AP1G2: variants seen among roughly 807,000 people sequenced by gnomAD.
AP1G2 encodes the protein adaptor related protein complex 1 subunit gamma 2.
AP1G2 carries 85 observed loss-of-function variants against 95.8 expected under a neutral mutation model. That is an observed-to-expected ratio of 0.89 (90% CI 0.74 to 1.06). The LOEUF (loss-of-function observed/expected upper bound fraction) is 1.06, where lower values mean the gene tolerates loss of function less well. AP1G2 is among the 50% of genes least tolerant of loss of function. The pLI is 0.00. For synonymous variants in AP1G2, 378 were observed against 400.0 expected, an observed-to-expected ratio of 0.94 and a Z score of 0.66; for missense variants, 967 against 1,005.8, an observed-to-expected ratio of 0.96 and a Z score of 0.52.
At position 23,562,275 on chromosome 14, in the gene AP1G2, G is replaced by A; in HGVS notation, c.1628+13C>T. The A allele has an allele frequency of 1.9e-6, 3 of 1,614,046 alleles. No homozygotes were observed. In the South Asian group the frequency reaches 3.3e-5, roughly 18 times the overall value. Reference sequence around the variant, plus strand: ...GACAGGCCATCTCTCAAGGGGCTGGGACCCCTTCTTACTTGTTGTCCCCAC... The same window carrying A: ...GACAGGCCATCTCTCAAGGGGCTGGAACCCCTTCTTACTTGTTGTCCCCAC... On this transcript the variant is annotated intron_variant, in intron 16 of 21. Coordinates refer to ENST00000397120, the MANE Select transcript of AP1G2 (RefSeq NM_003917.5).
At chr14:23,561,759 T>A in intron 17 of AP1G2, 124 bp from the exon 18 acceptor site, 1 of 1,481,698 alleles carries the variant, frequency 6.7e-7, no homozygotes, top group Non-Finnish European at 8.9e-7. Flanking sequence ...CCCTTCTGAT[T>A]TCCTAAAATG....
rs969434715 is a variant in AP1G2, at chr14:23,561,340, G to A, written c.1949C>T (p.Ala650Val). 1.1e-5 allele frequency: 17 copies of A among 1,578,180 alleles called. No individual in the cohort carries two copies. Among genetic ancestry groups the A allele is most frequent in the Non-Finnish European group, 1.4e-5 (16 of 1,161,310 alleles). ...PPHLDPSPGG[A>V]LVHLLDLPCV... ...GGGAAGGTCAAGCAGGTGTACCAGGGCACCTCCTGGGGAGGGGTCCAGATG... is the reference window on the plus strand; with the variant it reads ...GGGAAGGTCAAGCAGGTGTACCAGGACACCTCCTGGGGAGGGGTCCAGATG... Residue 650 changes from alanine (A) to valine (V), a missense_variant, in exon 19 of 22, where the codon GCC becomes GTC. Physicochemically the swap from Ala to Val is moderately conservative, Grantham distance 64. Coordinates refer to ENST00000397120, the MANE Select transcript of AP1G2 (RefSeq NM_003917.5).
Position 23,565,219 on chromosome 14 carries a change from G to A in AP1G2, c.742-20C>T, listed in dbSNP as rs748462007. On this transcript the variant is annotated intron_variant, in intron 7 of 21. Coordinates refer to ENST00000397120, the MANE Select transcript of AP1G2 (RefSeq NM_003917.5). ...CTGGACCTGAGGTTGGGTTGAAAAT[G>A]GAAAGTTGGAGGGGTTCATAGGATA... 8.7e-6 allele frequency: 14 copies of A among 1,612,692 alleles called. No homozygotes were observed. The highest frequency in any genetic ancestry group is 1.2e-5 in the Non-Finnish European group (14 of 1,179,218).
Position 23,567,599 on chromosome 14 carries a change from G to C in AP1G2, c.-6+140C>G. The stretch of plus-strand genomic sequence containing the variant: ...TCTCTACCGTTTCCTCCCCCTACCT[G>C]GTACCCCATCCCTAGCTCAGCCATT... On this transcript the variant is annotated intron_variant, in intron 1 of 21. Transcript: ENST00000397120. The surrounding 1 kb of genome is among the most constrained non-coding windows in gnomAD (Gnocchi z 5.3). 8.2e-7 allele frequency: 1 copy of C among 1,226,396 alleles called. No homozygotes were observed. The highest frequency in any genetic ancestry group is 1.0e-6 in the Non-Finnish European group (1 of 981,568). The allele number at this position is 1,226,396 out of a possible 1,614,324, so 76.0% of individuals were successfully genotyped here. A position where few individuals can be genotyped will look rare whatever the true frequency, so the allele number is the denominator to read the frequency against.
At chr14:23,561,895 C>A in intron 17 of AP1G2, 67 bp downstream of exon 17, 1 of 1,537,164 alleles carries the variant, frequency 6.5e-7, no homozygotes. Flanking sequence ...GCCCTTGTAC[C>A]TAGAAAAGGG....
Position 23,566,390 on chromosome 14 carries a change from T to C in AP1G2, c.359A>G (p.Gln120Arg). Residue 120 changes from glutamine (Q) to arginine (R), a missense_variant, in exon 4 of 22, where the codon CAA (glutamine) becomes CGA (arginine). By Grantham distance (43) the Gln-to-Arg change is conservative. Coordinates refer to ENST00000397120, the MANE Select transcript of AP1G2 (RefSeq NM_003917.5). The part of the protein sequence containing the change: ...NDLSQGIQPV[Q>R]GLALCTLSTM... ...GCTCAAAGTGCACAAGGCCAGGCCTTGTACTGGCTGAATCCCCTGGCTCAG... is the reference window on the plus strand; with the variant it reads ...GCTCAAAGTGCACAAGGCCAGGCCTCGTACTGGCTGAATCCCCTGGCTCAG... 1 of 1,614,012 alleles carries C rather than the reference T, an allele frequency of 6.2e-7. No individual in the cohort carries two copies.
chr14:23,566,744 C>G (rs1888228723), intron 2 of AP1G2, 58 bp from the exon 3 acceptor site: 1 of 1,593,326 alleles, frequency 6.3e-7, no homozygotes, highest in African/African-American at 1.3e-5. Flanking sequence ...ACACTCACAT[C>G]CCTGTTCCAT....
rs767217636 is a variant in AP1G2 at position 23,567,189 on chromosome 14, C to G, written c.126G>C (p.Gly42=). ...GCTGCCGGTGCCTGTGCACTGGGTCCCCGTCGCGGAAGGAGGCCCGGATGT... is the reference window on the plus strand; with the variant it reads ...GCTGCCGGTGCCTGTGCACTGGGTCGCCGTCGCGGAAGGAGGCCCGGATGT... The part of the protein sequence containing the change: ...CAHIRASFRD[G]DPVHRHRQLA... The change falls in exon 2 of 22, where the codon GGG becomes GGC. Residue 42 remains glycine, a synonymous_variant. Coordinates refer to ENST00000397120, the MANE Select transcript of AP1G2 (RefSeq NM_003917.5). The surrounding 1 kb of genome is among the most constrained non-coding windows in gnomAD (Gnocchi z 5.3). 6.2e-7 allele frequency: 1 copy of G among 1,613,012 alleles called. No homozygotes were observed. The highest frequency in any genetic ancestry group is 1.1e-5 in the South Asian group (1 of 91,014).
At chr14:23,562,858 G>T in intron 14 of AP1G2, 2 of 530,926 alleles carry the variant, frequency 3.8e-6, no homozygotes, top group Non-Finnish European at 6.4e-6. Flanking sequence ...AGAGATGGTG[G>T]GGGGTTGGAG....
chr14:23,561,618 T>C lies in AP1G2; in HGVS notation c.1751A>G (p.Lys584Arg). 1.2e-6 allele frequency: 2 copies of C among 1,614,086 alleles called. No homozygotes were observed. The highest frequency in any genetic ancestry group is 4.5e-5 in the East Asian group (2 of 44,878). The change falls in exon 18 of 22, where the codon AAA (lysine) becomes AGA (arginine). Residue 584 changes from lysine to arginine, a missense_variant. Transcript: ENST00000397120. ...YDHMRAAILE[K>R]MPLVERDGPQ... is the part of the protein sequence containing the mutation. ...GCCATCTCGCTCCACAAGAGGCATT[T>C]TTTCCAGGATGGCAGCCCTGAGAGG... is the stretch of plus-strand genomic sequence containing the variant.
intron 8 of AP1G2, 164 bp from the exon 9 acceptor site, chr14:23,564,824 C>T (rs1442050536): frequency 3.0e-6 from 2 of 669,460 alleles, no homozygotes; most frequent in African/African-American, 3.6e-5. Context: ...ACTACAGGCA[C>T]ATGCCAACAA....
chr14:23,563,695 T>C (rs776215520), intron 12 of AP1G2, 21 bp downstream of exon 12: 6 of 1,614,160 alleles, frequency 3.7e-6, no homozygotes, highest in Admixed American at 1.7e-5. Flanking sequence ...TTCTACCCTC[T>C]TCGACTCCTG....
chr14:23,561,162 C>A, intron 19 of AP1G2, 134 bp downstream of exon 19: 1 of 1,414,442 alleles, frequency 7.1e-7, no homozygotes, highest in Non-Finnish European at 9.2e-7. Context: ...ATTCTTTTAC[C>A]TCCTGAGATG....
In AP1G2 at chr14:23,560,055, CAG is replaced by C. The variant is rs766441921; in HGVS notation, c.2158-21_2158-20del. On this transcript the variant is annotated intron_variant, in intron 20 of 21. Coordinates refer to ENST00000397120, the MANE Select transcript of AP1G2 (RefSeq NM_003917.5). ...GGAGACTCTGAACACAGGAGTTTAA[CAG>C]AGCACAGTATGGCAGTAGGTAGGGC... is the stretch of plus-strand genomic sequence containing the variant. The C allele has an allele frequency of 1.5e-5, 23 of 1,553,960 alleles. No homozygotes were observed. Among genetic ancestry groups the C allele is most frequent in the South Asian group, 2.3e-5 (2 of 88,588 alleles).
At position 23,559,627 on chromosome 14, in the gene AP1G2, C is replaced by G. The variant is rs1207700692; in HGVS notation, c.*122G>C. 9.9e-6 allele frequency: 8 copies of G among 809,986 alleles called. No individual in the cohort carries two copies. Among genetic ancestry groups the G allele is most frequent in the Non-Finnish European group, 1.6e-5 (8 of 489,610 alleles). 50.2% of individuals were successfully genotyped at this position (809,986 alleles called of 1,614,324 possible). Reference sequence around the variant, plus strand: ...ATTTGTGGGAGAAGGGGGCTGGTCCCCAGTTTTTGCAGTGCAAAGCCAGAG... The same window carrying G: ...ATTTGTGGGAGAAGGGGGCTGGTCCGCAGTTTTTGCAGTGCAAAGCCAGAG... On this transcript the variant is annotated 3_prime_UTR_variant, in exon 22 of 22. Transcript: ENST00000397120.
intron 14 of AP1G2, chr14:23,562,857 G>C (rs184784720): frequency 1.7e-5 from 9 of 532,430 alleles, no homozygotes; most frequent in South Asian, 2.3e-5. Context: ...CAGAGATGGT[G>C]GGGGGTTGGA....
chr14:23,562,252 C>T (rs1885242048), intron 16 of AP1G2, 36 bp downstream of exon 16: 1 of 1,611,592 alleles, frequency 6.2e-7, no homozygotes, highest in East Asian at 2.2e-5. Context: ...GACCCAGTGA[C>T]AGGCCATCTC....
In AP1G2 at chr14:23,565,600, C is replaced by T. The variant is rs201482707; in HGVS notation, c.741+6G>A. Reference sequence around the variant, plus strand: ...CCAGGGATACAGCAGTGAAAGGTCACCCCACCTGCAGGAAGGGGTCGCTGA... The same window carrying T: ...CCAGGGATACAGCAGTGAAAGGTCATCCCACCTGCAGGAAGGGGTCGCTGA... On this transcript the variant is annotated splice_donor_region_variant and intron_variant, in intron 7 of 21. Coordinates refer to ENST00000397120, the MANE Select transcript of AP1G2 (RefSeq NM_003917.5). 131 of 1,611,418 alleles carry T rather than the reference C, an allele frequency of 8.1e-5. 2 individuals are homozygous for T. Among genetic ancestry groups the T allele is most frequent in the Admixed American group, 3.3e-5 (2 of 60,008 alleles).
Position 23,566,217 on chromosome 14 carries a change from T to G in AP1G2, c.472-57A>C. ...AGAGGAGATGGACCCCTGCATCTAC[T>G]ACTATATAGCACGCAGCAGGCAGTG... On this transcript the variant is annotated intron_variant, in intron 4 of 21. Transcript: ENST00000397120. 3.1e-6 allele frequency: 5 copies of G among 1,604,652 alleles called. No individual in the cohort carries two copies. In the South Asian group the frequency reaches 5.6e-5, roughly 18 times the overall value.
Sources: gnomAD v4.1 joint callset for allele counts on GRCh38, gnomAD v4.1.1 for gene constraint, Gnocchi (gnomAD v3.1) non-coding constraint, MANE v1.5 for transcripts, NCBI Gene and HGNC (gene_info 2026-07-23, HGNC 2026-07-21) for gene names.